Variants in NLRP5 observed in about 807,000 individuals in gnomAD.
NLRP5 encodes the protein NACHT, LRR and PYD domains-containing protein 5.
Under a neutral mutation model 113.1 loss-of-function variants are expected in NLRP5, and 93 were observed. The observed-to-expected ratio is 0.82, with a 90% CI of 0.70 to 0.98. The LOEUF (loss-of-function observed/expected upper bound fraction) is 0.98. NLRP5 is among the 50% of genes least tolerant of loss of function. The probability of loss-of-function intolerance (pLI) is 0.00; values close to 1 mark genes in which losing one functional copy is unlikely to be tolerated. For missense variants in NLRP5, 1,808 were observed against 1,514.3 expected, an observed-to-expected ratio of 1.19 and a Z score of -3.22; for synonymous variants, 751 against 600.7, an observed-to-expected ratio of 1.25 and a Z score of -3.66.
chr19:56,047,145 T>G (rs1399594467), intron 11 of NLRP5, among the ~76,000 whole-genome samples: 1 of 152,244 alleles, frequency 6.6e-6, no homozygotes, highest in Non-Finnish European at 1.5e-5. Flanking sequence ...CTCTTCTTGG[T>G]TAATCTTGCC....
chr19:56,039,688 G>C (rs2123321742), intron 10 of NLRP5, among the ~76,000 whole-genome samples: 1 of 152,254 alleles, frequency 6.6e-6, no homozygotes, highest in East Asian at 1.9e-4. Context: ...GAGGCGGGCG[G>C]ATCACCTGAG....
intron 14 of NLRP5, 101 bp downstream of exon 14, chr19:56,058,511 T>C (rs1984241481): frequency 2.9e-6 from 3 of 1,052,362 alleles, no homozygotes; most frequent in African/African-American, 3.2e-5. Context: ...ACGTCATACC[T>C]TGGGAGCCAC....
At chr19:56,055,272 G>A (rs983075515) in intron 13 of NLRP5, among the ~76,000 whole-genome samples, 3 of 151,376 alleles carry the variant, frequency 2.0e-5, no homozygotes, top group Non-Finnish European at 4.4e-5. Context: ...GATGACAGGC[G>A]TGAGCCACCG....
Position 56,017,373 on chromosome 19 carries a change from G to A in NLRP5, c.565+1575G>A, listed in dbSNP as rs571162567. On this transcript the variant is annotated intron_variant, in intron 4 of 14. Coordinates refer to ENST00000390649, the MANE Select transcript of NLRP5 (RefSeq NM_153447.4). ...AAAGGGGGTTCTTTCCTACTTTAAG[G>A]TGGGAAGTTATATTATATTTCAGAT... Among the ~76,000 whole-genome samples the A allele has an allele frequency of 2.1e-5, 3 of 141,708 alleles. No individual in the cohort carries two copies. The South Asian group carries it at 6.6e-4, about 31-fold the overall frequency. The allele number at this position is 141,708 out of a possible 152,430, so 93.0% of individuals were successfully genotyped here. A position where few individuals can be genotyped will look rare whatever the true frequency, so the allele number is the denominator to read the frequency against.
intron 9 of NLRP5, among the ~76,000 whole-genome samples, chr19:56,034,587 C>T (rs1439137363): frequency 6.6e-6 from 1 of 152,212 alleles, no homozygotes; most frequent in East Asian, 1.9e-4. Flanking sequence ...CGCACCATTC[C>T]TAATCCTCAG....
intron 14 of NLRP5, 115 bp from the exon 15 acceptor site, chr19:56,061,281 C>T: frequency 1.8e-6 from 2 of 1,120,812 alleles, no homozygotes; most frequent in East Asian, 2.6e-5. Flanking sequence ...GGGGCACGTT[C>T]CTTAAGAGTA....
chr19:56,048,062 A>T (rs529030613), intron 11 of NLRP5, among the ~76,000 whole-genome samples: 1 of 152,130 alleles, frequency 6.6e-6, no homozygotes, highest in Non-Finnish European at 1.5e-5. Context: ...TTTGGTGTCC[A>T]TTTGCATGAA....
intron 2 of NLRP5, among the ~76,000 whole-genome samples, chr19:56,008,240 T>G (rs1053745047): frequency 2.6e-5 from 4 of 152,030 alleles, no homozygotes; most frequent in Non-Finnish European, 5.9e-5. Flanking sequence ...AAGACAGTTT[T>G]TAAGAACTAA....
At chr19:56,010,742 C>CCAAAAAAAAAAAAAAAAAAAAAA (rs1555764914) in intron 3 of NLRP5, among the ~76,000 whole-genome samples, 16 of 41,276 alleles carry the variant, frequency 3.9e-4, no homozygotes, top group African/African-American at 1.6e-3. Context: ...AACTCTGTCT[C>CCAAAAAAAAAAAAAAAAAAAAAA]AAAAAAAAAA....
At chr19:56,055,461 TAAATCAAGGCTTACTTATCTTACTATAA>T (rs1378156498) in intron 13 of NLRP5, among the ~76,000 whole-genome samples, 4 of 151,314 alleles carry the variant, frequency 2.6e-5, no homozygotes, top group South Asian at 2.1e-4. Context: ...TATTTCTTAT[TAAATCAAGGCTTACTTATCTTACTATAA>T]TACCATCACT....
At chr19:55,987,950 A>G in the NLRP5 span, 1 of 1,489,708 alleles carries the variant, frequency 6.7e-7, no homozygotes, top group Non-Finnish European at 9.4e-7. Context: ...TTGATTGATC[A>G]GTTCCCACTC....
intron 3 of NLRP5, among the ~76,000 whole-genome samples, chr19:56,010,660 G>A (rs1454723669): frequency 6.7e-6 from 1 of 148,350 alleles, no homozygotes; most frequent in Non-Finnish European, 1.5e-5. Context: ...GGCTGAGGCA[G>A]GAGAATCACT....
At chr19:55,989,654 A>C in the NLRP5 span, among the ~76,000 whole-genome samples, 3 of 152,124 alleles carry the variant, frequency 2.0e-5, no homozygotes, top group African/African-American at 7.2e-5. Flanking sequence ...TCTGCTCATC[A>C]CCCAAAGACA....
At chr19:56,049,202 G>A (rs933420887) in intron 11 of NLRP5, among the ~76,000 whole-genome samples, 6 of 133,994 alleles carry the variant, frequency 4.5e-5, no homozygotes, top group Admixed American at 3.0e-4. Flanking sequence ...ATTTAGAGAC[G>A]GAGTTTTACT....
chr19:56,020,626 T>A (rs1222100749), intron 6 of NLRP5, among the ~76,000 whole-genome samples, 195 bp downstream of exon 6: 1 of 151,708 alleles, frequency 6.6e-6, no homozygotes, highest in African/African-American at 2.4e-5. Flanking sequence ...ACTGTGATTA[T>A]CTACAGTCAG....
chr19:56,047,471 A>ATTGGT (rs56812131), intron 11 of NLRP5, among the ~76,000 whole-genome samples: 2 of 151,814 alleles, frequency 1.3e-5, no homozygotes, highest in Non-Finnish European at 2.9e-5. Flanking sequence ...TAATTTCTGT[A>ATTGGT]TTCATTTTTG....
At chr19:56,026,854 G>T in intron 6 of NLRP5, 59 bp from the exon 7 acceptor site, 2 of 1,493,720 alleles carry the variant, frequency 1.3e-6, no homozygotes, top group Admixed American at 2.0e-5. Flanking sequence ...GGGATGACAG[G>T]TGCGAGCCAC....
chr19:56,028,096 TA>T lies in NLRP5; in HGVS notation c.1866del (p.Lys622AsnfsTer12), dbSNP rs769724666. ...AGAAGACAAAGAGGTCCATGGAGCT[TA>T]AACAGGCAGGCTTCCATATCCACTC... On this transcript the variant is annotated frameshift_variant, in exon 7 of 15. Coordinates refer to ENST00000390649, the MANE Select transcript of NLRP5 (RefSeq NM_153447.4). LOFTEE classifies it high-confidence loss of function. 1 of 1,613,898 alleles carries T rather than the reference TA, an allele frequency of 6.2e-7. No individual in the cohort carries two copies. Among genetic ancestry groups the T allele is most frequent in the African/African-American group, 1.3e-5 (1 of 74,930 alleles).
intron 2 of NLRP5, among the ~76,000 whole-genome samples, chr19:56,005,107 A>AT (rs1555763764): frequency 0.011 from 1,070 of 95,308 alleles, 27 homozygotes; most frequent in Middle Eastern, 0.026. Context: ...AAAAAAAAAA[A>AT]ATATATATAT....
Sources: allele counts gnomAD v4.1 joint callset (sites outside exome capture counted in the v4.1 genomes callset), GRCh38; gene constraint gnomAD v4.1.1; transcripts MANE v1.5; gene names NCBI Gene and HGNC (gene_info 2026-07-23, HGNC 2026-07-21).